Variants in FKBP5 observed in about 807,000 individuals in gnomAD.
FKBP5 encodes FKBP prolyl isomerase 5.
In FKBP5, 23 loss-of-function variants were observed where a neutral mutation model predicts 50.5. The observed-to-expected ratio is 0.46, with a 90% confidence interval of 0.33 to 0.65. The LOEUF (loss-of-function observed/expected upper bound fraction) is 0.65. FKBP5 is among the 30% of genes least tolerant of loss of function. The probability of loss-of-function intolerance (pLI) is 0.02; values close to 1 mark genes in which losing one functional copy is unlikely to be tolerated. For missense variants in FKBP5, 411 were observed against 553.1 expected (o/e 0.74, Z 2.58); for synonymous variants, 176 against 190.6 (o/e 0.92, Z 0.63).
rs750052514 is a variant in FKBP5 at position 35,580,148 on chromosome 6, G to A, written c.914C>T (p.Ser305Leu). 1.2e-6 allele frequency: 2 copies of A among 1,613,858 alleles called. No individual in the cohort carries two copies. The highest frequency in any genetic ancestry group is 2.7e-5 in the African/African-American group (2 of 74,916). ...TTCAGAAGCTTTCGATTCCTTTTCT[G>A]ATAAACCATATTCCATCTCTAACCA... ...VSWLEMEYGL[S>L]EKESKASESF... is the part of the protein sequence containing the mutation. The change falls in exon 9 of 11, where the codon TCA becomes TTA. Residue 305 changes from serine (S) to leucine (L), a missense_variant. By Grantham distance (145) the Ser-to-Leu change is moderately radical. Transcript: ENST00000357266.
At chr6:35,712,043 A>G (rs77581901) in intron 2 of FKBP5, among the ~76,000 whole-genome samples, 924 of 22,512 alleles carry the variant, frequency 0.041, 5 homozygotes, top group South Asian at 0.092. Flanking sequence ...TGGGCTAATT[A>G]AAAAAAAAAA....
upstream of FKBP5, among the ~76,000 whole-genome samples, chr6:35,690,197 G>T (rs575075726): frequency 6.6e-6 from 1 of 152,206 alleles, no homozygotes; most frequent in Non-Finnish European, 1.5e-5. Flanking sequence ...CGCCGGGCGC[G>T]GTGGCTTACG....
At chr6:35,621,692 G>A (rs888467366) in intron 3 of FKBP5, among the ~76,000 whole-genome samples, 18 of 151,540 alleles carry the variant, frequency 1.2e-4, no homozygotes, top group African/African-American at 4.1e-4. Flanking sequence ...TCTGGGGGCT[G>A]GGCACGTTGG....
intron 5 of FKBP5, among the ~76,000 whole-genome samples, chr6:35,611,218 T>C (rs1763483431): frequency 6.6e-6 from 1 of 152,216 alleles, no homozygotes; most frequent in Non-Finnish European, 1.5e-5. Flanking sequence ...TTCCTCTCCT[T>C]TCCAGCACTA....
intron 2 of FKBP5, among the ~76,000 whole-genome samples, chr6:35,694,974 T>C (rs1766059472): frequency 6.6e-6 from 1 of 152,148 alleles, no homozygotes; most frequent in Non-Finnish European, 1.5e-5. Flanking sequence ...ATATAATAAA[T>C]AAACAAATGG....
chr6:35,651,779 A>G, intron 1 of FKBP5: 1 of 228,806 alleles, frequency 4.4e-6, no homozygotes, highest in South Asian at 7.4e-5. Flanking sequence ...GATTCAAGGT[A>G]CACAAATTTT....
intron 1 of FKBP5, among the ~76,000 whole-genome samples, chr6:35,725,708 A>G (rs1766694712): frequency 1.3e-5 from 2 of 152,294 alleles, no homozygotes; most frequent in South Asian, 2.1e-4. Context: ...GCAGGATGCC[A>G]CAGCTAAAGA....
In FKBP5 at chr6:35,698,510, G is replaced by C. The variant is rs542863659; in HGVS notation, c.-20+21818C>G. 3.9e-5 allele frequency among the ~76,000 whole-genome samples: 6 copies of C among 151,938 alleles called. No homozygotes were observed. In the East Asian group the frequency reaches 7.7e-4, roughly 20 times the overall value. On this transcript the variant is annotated intron_variant, in intron 2 of 11. Coordinates refer to the FKBP5 transcript ENST00000536438. ...AAAAATGCAAAAATTAGCCGGGCTT[G>C]GTGGCAGGAGCCCGTAATCCCAGCT...
At chr6:35,582,373 G>T in intron 8 of FKBP5, 2 of 826,986 alleles carry the variant, frequency 2.4e-6, no homozygotes, top group Non-Finnish European at 2.9e-6. Flanking sequence ...ATTTGCAGAT[G>T]GAGCATTTGG....
At chr6:35,675,258 ATACT>A (rs1765495226) in intron 1 of FKBP5, among the ~76,000 whole-genome samples, 1 of 152,246 alleles carries the variant, frequency 6.6e-6, no homozygotes, top group Non-Finnish European at 1.5e-5. Flanking sequence ...AGTCTATACC[ATACT>A]CTAGGCTGGG....
At chr6:35,707,955 T>C (rs1357292748) in intron 2 of FKBP5, among the ~76,000 whole-genome samples, 1 of 152,198 alleles carries the variant, frequency 6.6e-6, no homozygotes, top group African/African-American at 2.4e-5. Context: ...GAAAGATACA[T>C]CATTTTCTCC....
chr6:35,705,217 T>C (rs1265762731), intron 2 of FKBP5, among the ~76,000 whole-genome samples: 26 of 11,716 alleles, frequency 2.2e-3, no homozygotes, highest in Admixed American at 0.02. Context: ...TGTACAAATA[T>C]ATATATATAT....
At chr6:35,716,697 T>C (rs947560393) in intron 2 of FKBP5, among the ~76,000 whole-genome samples, 1 of 152,130 alleles carries the variant, frequency 6.6e-6, no homozygotes, top group African/African-American at 2.4e-5. Context: ...TACCCAACTC[T>C]TGAGATCTGG....
intron 3 of FKBP5, among the ~76,000 whole-genome samples, chr6:35,623,360 T>C (rs1763905106): frequency 6.6e-6 from 1 of 152,198 alleles, no homozygotes; most frequent in African/African-American, 2.4e-5. Context: ...TAAATGCAAA[T>C]AGACCTACCT....
At chr6:35,596,081 G>A (rs1272737714) in intron 6 of FKBP5, among the ~76,000 whole-genome samples, 9 of 151,984 alleles carry the variant, frequency 5.9e-5, no homozygotes, top group Admixed American at 2.6e-4. Flanking sequence ...TGGGCTGGGC[G>A]TGGTGGCTCA....
chr6:35,629,808 A>G (rs1269454442), intron 3 of FKBP5, among the ~76,000 whole-genome samples: 2 of 152,222 alleles, frequency 1.3e-5, no homozygotes, highest in Non-Finnish European at 2.9e-5. Flanking sequence ...TTCCTCCTCT[A>G]TCGCAAAGTA....
chr6:35,586,558 G>C (rs1004447340), intron 8 of FKBP5: 9 of 985,040 alleles, frequency 9.1e-6, no homozygotes, highest in Non-Finnish European at 1.1e-5. Context: ...CTTGAGGCTA[G>C]AAGTTTGAGA....
intron 2 of FKBP5, among the ~76,000 whole-genome samples, chr6:35,705,264 T>A (rs1367855988): frequency 1.6e-3 from 20 of 12,246 alleles, no homozygotes; most frequent in East Asian, 0.016. Flanking sequence ...ATATATTTTT[T>A]TTTTTTTTTT....
rs575291341 is a variant in FKBP5, at chr6:35,638,767, A to C, written c.106-1609T>G. ...AACACTACTGCCCTTCTAGGACTTCAAAAGAAAAAAAAAGTCTCAAAACAT... is the reference window on the plus strand; with the variant it reads ...AACACTACTGCCCTTCTAGGACTTCCAAAGAAAAAAAAAGTCTCAAAACAT... On this transcript the variant is annotated intron_variant, in intron 2 of 10. Transcript: ENST00000357266. Among the ~76,000 whole-genome samples, 24 of 152,298 alleles carry C rather than the reference A, an allele frequency of 1.6e-4. 1 individual carries two copies. The East Asian group carries it at 4.6e-3, about 29-fold the overall frequency.
Sources: allele counts gnomAD v4.1 joint callset (sites outside exome capture counted in the v4.1 genomes callset), GRCh38; gene constraint gnomAD v4.1.1; transcripts MANE v1.5; gene names NCBI Gene and HGNC (gene_info 2026-07-23, HGNC 2026-07-21).